Variants in ZNF804B observed in about 807,000 individuals in gnomAD.
The protein encoded by ZNF804B is zinc finger 804B.
ZNF804B carries 80 observed loss-of-function variants against 101.4 expected under a neutral mutation model. The observed-to-expected ratio is 0.79, with a 90% confidence interval of 0.66 to 0.95. ZNF804B has a LOEUF of 0.95. Ranked by LOEUF, ZNF804B falls within the 40% of genes least tolerant of loss-of-function variation. The probability of loss-of-function intolerance (pLI) is 0.00; values close to 1 mark genes in which losing one functional copy is unlikely to be tolerated. For missense variants in ZNF804B, 1,673 were observed against 1,561.9 expected (o/e 1.07, Z -1.20); for synonymous variants, 622 against 558.8 (o/e 1.11, Z -1.59).
chr7:89,262,965 C>A (rs1789732347), intron 2 of ZNF804B, among the ~76,000 whole-genome samples: 1 of 138,634 alleles, frequency 7.2e-6, no homozygotes, highest in African/African-American at 2.7e-5. Flanking sequence ...CTTTCTTGTG[C>A]ACTTTGTAGC....
At chr7:89,016,181 G>T (rs1230938118) in intron 1 of ZNF804B, among the ~76,000 whole-genome samples, 3 of 151,980 alleles carry the variant, frequency 2.0e-5, no homozygotes, top group African/African-American at 7.2e-5. Context: ...TTTTGATGGG[G>T]TTGTTTGTTT....
chr7:88,943,307 A>G (rs1470491465), intron 1 of ZNF804B, among the ~76,000 whole-genome samples: 9 of 151,916 alleles, frequency 5.9e-5, no homozygotes, highest in Admixed American at 5.9e-4. Flanking sequence ...CCTTGAAAGT[A>G]GTGGTATGTA....
chr7:89,152,866 G>T (rs568036831), intron 1 of ZNF804B, among the ~76,000 whole-genome samples: 2 of 152,178 alleles, frequency 1.3e-5, no homozygotes, highest in East Asian at 3.9e-4. Flanking sequence ...GGGTCTGAAG[G>T]CTAGGGTCTG....
At chr7:89,217,318 T>A (rs1788912309) in intron 1 of ZNF804B, among the ~76,000 whole-genome samples, 1 of 152,202 alleles carries the variant, frequency 6.6e-6, no homozygotes, top group African/African-American at 2.4e-5. Flanking sequence ...GAGCCAGGCA[T>A]AGGTTGTTTG....
chr7:88,798,730 C>G (rs1790531391), intron 1 of ZNF804B, among the ~76,000 whole-genome samples: 1 of 152,104 alleles, frequency 6.6e-6, no homozygotes, highest in Non-Finnish European at 1.5e-5. Context: ...ACATGCAATT[C>G]AGACAGTTTT....
chr7:89,230,308 G>GA (rs1789170165), intron 2 of ZNF804B, among the ~76,000 whole-genome samples: 6 of 148,914 alleles, frequency 4.0e-5, no homozygotes, highest in Admixed American at 1.3e-4. Context: ...ATGGGGAGGG[G>GA]GAGAGAGAGA....
intron 1 of ZNF804B, among the ~76,000 whole-genome samples, chr7:89,171,288 G>GCTGCTGCTGCTGCCT (rs1215246589): frequency 3.6e-5 from 3 of 82,552 alleles, no homozygotes; most frequent in African/African-American, 1.5e-4. Context: ...TGCTGCTGCT[G>GCTGCTGCTGCTGCCT]CTTCTTCTTC....
intron 1 of ZNF804B, among the ~76,000 whole-genome samples, chr7:88,814,214 T>C (rs755579586): frequency 1.4e-4 from 21 of 152,136 alleles, no homozygotes; most frequent in Non-Finnish European, 1.9e-4. Context: ...ACAGTATATA[T>C]ACTTTTATAC....
At chr7:88,820,028 T>A (rs1403550296) in intron 1 of ZNF804B, among the ~76,000 whole-genome samples, 1 of 152,164 alleles carries the variant, frequency 6.6e-6, no homozygotes, top group African/African-American at 2.4e-5. Flanking sequence ...TAATGAAAGC[T>A]CTACTCAAAT....
intron 1 of ZNF804B, among the ~76,000 whole-genome samples, chr7:88,791,019 A>G (rs758293250): frequency 1.1e-4 from 17 of 152,104 alleles, no homozygotes; most frequent in Non-Finnish European, 2.1e-4. Flanking sequence ...CCTTAGAAGC[A>G]TTGTCACGCT....
At chr7:88,938,275 GC>G (rs1317258189) in intron 1 of ZNF804B, among the ~76,000 whole-genome samples, 1 of 151,988 alleles carries the variant, frequency 6.6e-6, no homozygotes, top group Non-Finnish European at 1.5e-5. Flanking sequence ...TATAATGGCT[GC>G]CCTTAGAGAA....
intron 1 of ZNF804B, among the ~76,000 whole-genome samples, chr7:89,188,439 T>G (rs544257486): frequency 1.2e-4 from 19 of 152,208 alleles, no homozygotes; most frequent in African/African-American, 4.1e-4. Context: ...CGTCGATTTT[T>G]AATCCTGCAA....
At chr7:89,151,320 T>G (rs1193252172) in intron 1 of ZNF804B, among the ~76,000 whole-genome samples, 1 of 152,070 alleles carries the variant, frequency 6.6e-6, no homozygotes, top group Non-Finnish European at 1.5e-5. Context: ...ATTAGAAACT[T>G]TTTGATGCCA....
intron 1 of ZNF804B, among the ~76,000 whole-genome samples, chr7:88,985,538 G>C (rs77171712): frequency 0.023 from 3,441 of 152,070 alleles, 134 homozygotes; most frequent in African/African-American, 0.078. Flanking sequence ...TGCGGCCTCT[G>C]TTCACTACAC....
chr7:89,015,078 G>GT (rs1275407421), intron 1 of ZNF804B, among the ~76,000 whole-genome samples: 1 of 152,126 alleles, frequency 6.6e-6, no homozygotes, highest in Non-Finnish European at 1.5e-5. Context: ...TAGATATCAA[G>GT]TGTTCCCAGA....
At chr7:88,935,413 G>A (rs888412633) in intron 1 of ZNF804B, among the ~76,000 whole-genome samples, 12 of 150,946 alleles carry the variant, frequency 7.9e-5, no homozygotes, top group Non-Finnish European at 1.8e-4. Context: ...GCCAGCCATA[G>A]TGGCTCACAG....
chr7:88,868,196 C>T (rs1434331092), intron 1 of ZNF804B, among the ~76,000 whole-genome samples: 1 of 151,976 alleles, frequency 6.6e-6, no homozygotes, highest in East Asian at 1.9e-4. Flanking sequence ...TAAATGACTT[C>T]CCTTTACTGA....
At chr7:89,001,403 A>G (rs1034372344) in intron 1 of ZNF804B, among the ~76,000 whole-genome samples, 17 of 151,250 alleles carry the variant, frequency 1.1e-4, no homozygotes, top group African/African-American at 3.9e-4. Flanking sequence ...TAGTCTTGGG[A>G]AAAAAGACAG....
chr7:89,146,342 A>G (rs560129551), intron 1 of ZNF804B, among the ~76,000 whole-genome samples: 2 of 152,192 alleles, frequency 1.3e-5, no homozygotes, highest in South Asian at 4.1e-4. Flanking sequence ...GGGATAATGA[A>G]CATAGCTATA....
Sources: gnomAD v4.1 joint callset for allele counts (sites outside exome capture counted in the v4.1 genomes callset) on GRCh38, gnomAD v4.1.1 for gene constraint, MANE v1.5 for transcripts, NCBI Gene and HGNC (gene_info 2026-07-23, HGNC 2026-07-21) for gene names.